The following DENND2B variants were observed in gnomAD, a reference collection of about 807,000 sequenced individuals.
The protein encoded by DENND2B is DENN domain-containing protein 2B.
Under a neutral mutation model 116.0 loss-of-function variants are expected in DENND2B, and 32 were observed. That is an observed-to-expected ratio of 0.28 (90% CI 0.21 to 0.37). The LOEUF is 0.37. Ranked by LOEUF, DENND2B falls within the 10% of genes least tolerant of loss-of-function variation. DENND2B has a pLI of 1.00. For missense variants in DENND2B, 1,276 were observed against 1,477.7 expected (o/e 0.86, Z 2.24); for synonymous variants, 588 against 583.9 (o/e 1.01, Z -0.10).
At chr11:8,718,566 T>A in intron 4 of DENND2B, 1 of 1,403,504 alleles carries the variant, frequency 7.1e-7, no homozygotes, top group Admixed American at 3.0e-5. Flanking sequence ...TAGTGTCTAT[T>A]CCCTCTACCG....
chr11:8,736,407 C>T (rs186912368), intron 2 of DENND2B, among the ~76,000 whole-genome samples: 22 of 152,184 alleles, frequency 1.4e-4, no homozygotes, highest in Non-Finnish European at 2.4e-4. Flanking sequence ...CAGACAAAGT[C>T]TCTTTTTCTA....
intron 1 of DENND2B, chr11:8,809,317 T>C (rs761563356): frequency 2.0e-5 from 3 of 152,216 alleles, no homozygotes; most frequent in Non-Finnish European, 4.4e-5. Context: ...CCCTCATTGT[T>C]TGCCAGAATA....
intron 18 of DENND2B, 87 bp downstream of exon 18, chr11:8,696,340 G>A (rs1453000807): frequency 2.6e-6 from 4 of 1,560,272 alleles, no homozygotes; most frequent in Non-Finnish European, 2.6e-6. Flanking sequence ...CCTAGCTGAT[G>A]TCCAAGAGCT....
intron 1 of DENND2B, among the ~76,000 whole-genome samples, chr11:8,805,280 A>AC (rs1160843581): frequency 1.3e-5 from 2 of 152,194 alleles, no homozygotes; most frequent in Non-Finnish European, 2.9e-5. Context: ...CTCACTGAGT[A>AC]CCTAAGAGTC....
intron 11 of DENND2B, among the ~76,000 whole-genome samples, chr11:8,708,627 G>C (rs2043031488): frequency 6.6e-6 from 1 of 152,154 alleles, no homozygotes; most frequent in African/African-American, 2.4e-5. Context: ...GTTTGCTATG[G>C]AGTAAAGGAG....
At chr11:8,888,116 G>A (rs2063982890) in intron 1 of DENND2B, among the ~76,000 whole-genome samples, 1 of 152,196 alleles carries the variant, frequency 6.6e-6, no homozygotes, top group African/African-American at 2.4e-5. Context: ...GAACTCTAGA[G>A]TCTATTGAAG....
chr11:8,890,327 C>G (rs1261975255), intron 1 of DENND2B, among the ~76,000 whole-genome samples: 5 of 152,152 alleles, frequency 3.3e-5, no homozygotes, highest in Non-Finnish European at 7.3e-5. Flanking sequence ...TTCTAAAAAT[C>G]AGAGCACATC....
intron 4 of DENND2B, among the ~76,000 whole-genome samples, chr11:8,816,439 T>C (rs571187162): frequency 6.6e-6 from 1 of 152,012 alleles, no homozygotes; most frequent in Non-Finnish European, 1.5e-5. Context: ...TGGTCTCAGT[T>C]ACTTGGGAGG....
At chr11:8,884,782 A>T (rs1236599859) in intron 1 of DENND2B, among the ~76,000 whole-genome samples, 1 of 152,102 alleles carries the variant, frequency 6.6e-6, no homozygotes, top group African/African-American at 2.4e-5. Flanking sequence ...AACTCTCTAG[A>T]CCTACTCTGC....
chr11:8,709,096 C>T (rs2133780425), intron 11 of DENND2B, among the ~76,000 whole-genome samples: 1 of 152,320 alleles, frequency 6.6e-6, no homozygotes, highest in Admixed American at 6.5e-5. Flanking sequence ...GGGGAGGGAG[C>T]AGAGCAGCAG....
upstream of DENND2B, chr11:8,811,123 G>C: frequency 2.5e-6 from 1 of 393,938 alleles, no homozygotes; most frequent in Non-Finnish European, 4.5e-6. Context: ...CCTGGAGCTC[G>C]GGTAGGAGGG....
Position 8,798,849 on chromosome 11 carries a change from C to T in DENND2B, c.-26+11668G>A, listed in dbSNP as rs1165164810. ...GTTGCTTTTTTTTTTTTTTTTTAGA[C>T]GGAGTTTCACTCTTGTTGCCCAGGC... On this transcript the variant is annotated intron_variant, in intron 1 of 19. Transcript: ENST00000313726. Among the ~76,000 whole-genome samples, 50 of 126,814 alleles carry T rather than the reference C, an allele frequency of 3.9e-4. 1 individual carries two copies. Among genetic ancestry groups the T allele is most frequent in the East Asian group, 4.8e-4 (2 of 4,158 alleles). The allele number at this position is 126,814 out of a possible 152,430, so 83.2% of individuals were successfully genotyped here.
At chr11:8,876,576 GCTGT>G (rs1450824438) in intron 2 of DENND2B, among the ~76,000 whole-genome samples, 3 of 152,042 alleles carry the variant, frequency 2.0e-5, no homozygotes, top group Non-Finnish European at 2.9e-5. Flanking sequence ...CAGATAGCAA[GCTGT>G]CTAATACTCA....
chr11:8,854,803 C>CTGCAA (rs1240515617), intron 3 of DENND2B, among the ~76,000 whole-genome samples: 37 of 152,160 alleles, frequency 2.4e-4, no homozygotes, highest in Non-Finnish European at 4.3e-4. Flanking sequence ...ACCTCTTCCA[C>CTGCAA]CCAGGTTCAA....
At chr11:8,885,856 T>C (rs769217194) in intron 1 of DENND2B, among the ~76,000 whole-genome samples, 2 of 152,228 alleles carry the variant, frequency 1.3e-5, no homozygotes, top group African/African-American at 4.8e-5. Flanking sequence ...ATAAGTTTTG[T>C]ATGTTCAGCT....
chr11:8,727,914 TTTTG>T (rs1379795945), intron 3 of DENND2B, among the ~76,000 whole-genome samples: 7 of 151,572 alleles, frequency 4.6e-5, no homozygotes, highest in African/African-American at 1.2e-4. Flanking sequence ...TTTTTTTTTT[TTTTG>T]GCTGAATGCC....
Position 8,738,214 on chromosome 11 carries a change from T to C in DENND2B, c.81-7005A>G, listed in dbSNP as rs574667489. Among the ~76,000 whole-genome samples the C allele has an allele frequency of 4.3e-4, 65 of 152,358 alleles. 1 individual carries two copies. Among genetic ancestry groups the C allele is most frequent in the Non-Finnish European group, 4.6e-4 (31 of 68,032 alleles). On this transcript the variant is annotated intron_variant, in intron 2 of 19. Transcript: ENST00000313726. ...ACTAGCACCCACTTTCCCATGTGCC[T>C]GCACTGGACGTCTGCTCTCACAGTC...
chr11:8,861,515 TAAAAAGTCA>T (rs1184485662), intron 2 of DENND2B, among the ~76,000 whole-genome samples: 1 of 152,128 alleles, frequency 6.6e-6, no homozygotes, highest in African/African-American at 2.4e-5. Context: ...TAGCCATTAC[TAAAAAGTCA>T]AAAAACAATA....
At chr11:8,779,173 C>A (rs1181925224) in intron 1 of DENND2B, among the ~76,000 whole-genome samples, 1 of 152,206 alleles carries the variant, frequency 6.6e-6, no homozygotes, top group Non-Finnish European at 1.5e-5. Context: ...GGGGACAGAG[C>A]AGCTCTGGAC....
Sources: allele counts gnomAD v4.1 joint callset (sites outside exome capture counted in the v4.1 genomes callset), GRCh38; gene constraint gnomAD v4.1.1; transcripts MANE v1.5; gene names NCBI Gene and HGNC (gene_info 2026-07-23, HGNC 2026-07-21).